Variants in EXD1 observed in about 807,000 individuals in gnomAD.
The protein encoded by EXD1 is piRNA biogenesis protein EXD1.
In EXD1, 63 loss-of-function variants were observed where a neutral mutation model predicts 49.1. That is an observed-to-expected ratio of 1.28 (90% confidence interval 1.05 to 1.58). The LOEUF (loss-of-function observed/expected upper bound fraction) is 1.58. Among genes scored for constraint, EXD1 ranks in the 40% most tolerant of loss-of-function variants. The pLI, the probability that EXD1 is intolerant of heterozygous loss-of-function variation, is 0.00. For synonymous variants in EXD1, 234 were observed against 239.2 expected, an observed-to-expected ratio of 0.98 and a Z score of 0.20; for missense variants, 748 against 666.0, an observed-to-expected ratio of 1.12 and a Z score of -1.36.
chr15:41,220,958 T>G (rs901083218), intron 2 of EXD1, among the ~76,000 whole-genome samples: 3 of 152,152 alleles, frequency 2.0e-5, no homozygotes, highest in Admixed American at 2.0e-4. Flanking sequence ...TCCTCCCACC[T>G]CAGCCTCCCA....
intron 5 of EXD1, among the ~76,000 whole-genome samples, chr15:41,216,192 A>T (rs1011753260): frequency 6.6e-6 from 1 of 152,092 alleles, no homozygotes; most frequent in Admixed American, 6.6e-5. Context: ...TTTTATCTTA[A>T]TTCAGAACCC....
chr15:41,221,129 A>T (rs58851405), intron 2 of EXD1, among the ~76,000 whole-genome samples: 24,885 of 152,126 alleles, frequency 0.16, 3,781 homozygotes, highest in African/African-American at 0.4. Flanking sequence ...CTATACTCAA[A>T]TTTCCAGTAA....
rs551577512 is a variant in EXD1, at chr15:41,226,257, A to G, written c.133+186T>C. Among the ~76,000 whole-genome samples, 32 of 152,308 alleles carry G rather than the reference A, an allele frequency of 2.1e-4. No individual in the cohort carries two copies. In the South Asian group the frequency reaches 4.1e-3, roughly 20 times the overall value. ...ACAGAGCGAGACTCCATCTCAAAAA[A>G]AAAAAGTAGGGACAAACCAGCATAT... On this transcript the variant is annotated intron_variant, in intron 2 of 11. Transcript: ENST00000458580.
chr15:41,215,776 G>A lies in EXD1; in HGVS notation c.446C>T (p.Ala149Val), dbSNP rs763820609. Residue 149 changes from alanine to valine, a missense_variant and splice_region_variant, in exon 6 of 12, where the codon GCG (alanine) becomes GTG (valine). Coordinates refer to ENST00000458580, the MANE Select transcript of EXD1 (RefSeq NM_001286441.2). ...INQFQQKFGA[A>V]ILHIKKQNVL... ...GTAATGATTGAGGACAATACTTACCGCAGCACCAAACTTCTGCTGGAATTG... is the reference window on the plus strand; with the variant it reads ...GTAATGATTGAGGACAATACTTACCACAGCACCAAACTTCTGCTGGAATTG... The A allele has an allele frequency of 2.0e-5, 32 of 1,613,408 alleles. No individual in the cohort carries two copies. Among genetic ancestry groups the A allele is most frequent in the South Asian group, 7.7e-5 (7 of 91,070 alleles).
At chr15:41,230,070 G>T (rs376439361) in intron 1 of EXD1, among the ~76,000 whole-genome samples, 8 of 149,974 alleles carry the variant, frequency 5.3e-5, no homozygotes, top group African/African-American at 1.2e-4. Context: ...TAATTTAACG[G>T]GTGGCTTTTA....
At position 41,184,498 on chromosome 15, in the gene EXD1, T is replaced by G. The variant is rs1179655996; in HGVS notation, c.1152A>C (p.Ala384=). 4.3e-6 allele frequency: 7 copies of G among 1,614,054 alleles called. No individual in the cohort carries two copies. In the African/African-American group the frequency reaches 9.3e-5, roughly 22 times the overall value. Reference sequence around the variant, plus strand: ...GCACTGTCCTTATCAGGAGTCCCTGTGCATTCACCCTATATTCTCTTGCAG... The same window carrying G: ...GCACTGTCCTTATCAGGAGTCCCTGGGCATTCACCCTATATTCTCTTGCAG... The part of the protein sequence containing the change: ...EKAAREYRVN[A]QGLLIRTVLQ... Residue 384 remains alanine, a synonymous_variant, in exon 12 of 12, where the codon GCA becomes GCC. Coordinates refer to ENST00000458580, the MANE Select transcript of EXD1 (RefSeq NM_001286441.2).
intron 6 of EXD1, among the ~76,000 whole-genome samples, chr15:41,214,444 C>T (rs1379563447): frequency 2.7e-5 from 4 of 149,956 alleles, no homozygotes; most frequent in Non-Finnish European, 4.4e-5. Context: ...ACCCAGGAGG[C>T]GGAGGTTGAG....
intron 11 of EXD1, among the ~76,000 whole-genome samples, chr15:41,186,812 T>C (rs1201133364): frequency 6.6e-6 from 1 of 151,938 alleles, no homozygotes; most frequent in East Asian, 1.9e-4. Context: ...TTTGCTCTTG[T>C]TGCCCAGGCT....
rs2046605969 is a variant in EXD1, at chr15:41,195,956, G to C, written c.616C>G (p.Leu206Val). The C allele has an allele frequency of 6.2e-7, 1 of 1,611,850 alleles. No individual in the cohort carries two copies. Among genetic ancestry groups the C allele is most frequent in the African/African-American group, 1.3e-5 (1 of 74,794 alleles). The change falls in exon 8 of 12, where the codon CTA becomes GTA. Residue 206 changes from leucine (L) to valine (V), a missense_variant. By Grantham distance (32) the Leu-to-Val change is conservative. Coordinates refer to ENST00000458580, the MANE Select transcript of EXD1 (RefSeq NM_001286441.2). The stretch of plus-strand genomic sequence containing the variant: ...ACCTTCAAAATTCTCTTGTCTTCTA[G>C]TATCATCTGAAGTCCATTGTGGAAA... ...RAFHNGLQMI[L>V]EDKRILKVIH...
Position 41,195,856 on chromosome 15 carries a change from C to A in EXD1, c.640-1G>T, listed in dbSNP as rs746622334. On this transcript the variant is annotated splice_acceptor_variant, in intron 8 of 11. Transcript: ENST00000458580. LOFTEE classifies it high-confidence loss of function. Reference sequence around the variant, plus strand: ...AAAGCCAACGACAATCATGGATAACCTAAGGAATCAGAAGGAAACAGTCAT... The same window carrying A: ...AAAGCCAACGACAATCATGGATAACATAAGGAATCAGAAGGAAACAGTCAT... The A allele has an allele frequency of 6.2e-7, 1 of 1,613,210 alleles. No homozygotes were observed. The highest frequency in any genetic ancestry group is 1.7e-5 in the Admixed American group (1 of 59,668).
intron 9 of EXD1, among the ~76,000 whole-genome samples, chr15:41,193,903 C>T (rs1212163440): frequency 2.0e-5 from 3 of 150,924 alleles, no homozygotes; most frequent in Non-Finnish European, 4.4e-5. Flanking sequence ...CTGTATCTTA[C>T]ATGCAAAAGG....
chr15:41,226,451 A>G lies in EXD1; in HGVS notation c.125T>C (p.Leu42Pro), dbSNP rs2047165881. 2 of 1,536,034 alleles carry G rather than the reference A, an allele frequency of 1.3e-6. No individual in the cohort carries two copies. The highest frequency in any genetic ancestry group is 1.7e-6 in the Non-Finnish European group (2 of 1,146,870). Reference sequence around the variant, plus strand: ...AAGAAATAGAACAAGACCTTTCTTCAGGACAACAATCTTATTAGGGTCAAC... The same window carrying G: ...AAGAAATAGAACAAGACCTTTCTTCGGGACAACAATCTTATTAGGGTCAAC... ...QHVDPNKIVV[L>P]KKVKNVETGR... is the part of the protein sequence containing the mutation. Residue 42 changes from leucine (L) to proline (P), a missense_variant, in exon 2 of 12, where the codon CTG becomes CCG. By Grantham distance (98) the Leu-to-Pro change is moderately conservative. Transcript: ENST00000458580.
intron 11 of EXD1, among the ~76,000 whole-genome samples, chr15:41,189,416 C>T (rs1439262463): frequency 6.6e-6 from 1 of 150,964 alleles, no homozygotes; most frequent in Non-Finnish European, 1.5e-5. Flanking sequence ...GTAATCCCAG[C>T]ACTTTGGGAG....
chr15:41,219,295 C>G (rs548012440), intron 3 of EXD1, among the ~76,000 whole-genome samples: 1 of 152,252 alleles, frequency 6.6e-6, no homozygotes, highest in African/African-American at 2.4e-5. Flanking sequence ...TTTGTTGTAA[C>G]TCTTGGTGGC....
Position 41,190,038 on chromosome 15 carries a change from AG to A in EXD1, c.954del (p.Leu319TrpfsTer4). On this transcript the variant is annotated frameshift_variant, in exon 11 of 12. Transcript: ENST00000458580. LOFTEE classifies it high-confidence loss of function. ...ALEATYLLPL[R>X]LALLDEMMSD... ...GACATCATCTCATCTAGGAGTGCCA[AG>A]CGAAGGGGTAACAGGTAGGTAGCTT... The A allele has an allele frequency of 1.2e-6, 2 of 1,614,130 alleles. No individual in the cohort carries two copies. The highest frequency in any genetic ancestry group is 1.7e-6 in the Non-Finnish European group (2 of 1,180,024).
chr15:41,188,007 C>G (rs2046442019), intron 11 of EXD1, among the ~76,000 whole-genome samples: 1 of 61,548 alleles, frequency 1.6e-5, no homozygotes, highest in Non-Finnish European at 2.9e-5. Flanking sequence ...AAGAGCGAAA[C>G]CCCGTCTCAA....
intron 9 of EXD1, among the ~76,000 whole-genome samples, chr15:41,194,517 C>T (rs1476325615): frequency 6.6e-6 from 1 of 152,166 alleles, no homozygotes; most frequent in Non-Finnish European, 1.5e-5. Flanking sequence ...GAAATCAGCC[C>T]TGCAAGACAC....
rs1156382525 is a variant in EXD1 at position 41,230,082 on chromosome 15, CT to C, written c.-54+396del. Among the ~76,000 whole-genome samples the C allele has an allele frequency of 7.7e-3, 939 of 122,212 alleles. 14 individuals are homozygous for C. The highest frequency in any genetic ancestry group is 6.8e-3 in the Non-Finnish European group (409 of 60,080). The allele number at this position is 122,212 out of a possible 152,430, so 80.2% of individuals were successfully genotyped here. ...CACTAATTTAACGGGTGGCTTTTAC[CT>C]TTTTTTTTTTTTTTTTTTGAGACGG... On this transcript the variant is annotated intron_variant, in intron 1 of 11. Coordinates refer to ENST00000458580, the MANE Select transcript of EXD1 (RefSeq NM_001286441.2).
intron 7 of EXD1, among the ~76,000 whole-genome samples, chr15:41,206,347 G>A (rs578056719): frequency 7.2e-5 from 11 of 151,776 alleles, no homozygotes; most frequent in Non-Finnish European, 1.2e-4. Context: ...GTGAGTGCCT[G>A]TAATTCCAGC....
Sources: allele counts gnomAD v4.1 joint callset (sites outside exome capture counted in the v4.1 genomes callset), GRCh38; gene constraint gnomAD v4.1.1; transcripts MANE v1.5; gene names NCBI Gene and HGNC (gene_info 2026-07-23, HGNC 2026-07-21).